The following MYO16 variants were observed in gnomAD, a reference collection of about 807,000 sequenced individuals.
MYO16 encodes unconventional myosin-XVI.
In MYO16, 94 loss-of-function variants were observed where a neutral mutation model predicts 205.3. That is an observed-to-expected ratio of 0.46 (90% CI 0.39 to 0.54). The LOEUF (loss-of-function observed/expected upper bound fraction) is 0.54, where lower values mean the gene tolerates loss of function less well. MYO16 is among the 20% of genes least tolerant of loss of function. The pLI is 0.00. For synonymous variants in MYO16, 988 were observed against 954.0 expected (o/e 1.04, Z -0.66); for missense variants, 2,315 against 2,387.5 (o/e 0.97, Z 0.63).
At chr13:109,191,183 C>T (rs1269480459) in intron 34 of MYO16, among the ~76,000 whole-genome samples, 1 of 151,842 alleles carries the variant, frequency 6.6e-6, no homozygotes, top group Non-Finnish European at 1.5e-5. Flanking sequence ...CGCGCCACTG[C>T]ACTCCAGCCT....
At chr13:108,768,714 A>G (rs1885861638) in intron 4 of MYO16, among the ~76,000 whole-genome samples, 1 of 152,164 alleles carries the variant, frequency 6.6e-6, no homozygotes, top group African/African-American at 2.4e-5. Flanking sequence ...TGATGAGCAT[A>G]TTTGAGGAAA....
intron 20 of MYO16, among the ~76,000 whole-genome samples, chr13:108,989,108 G>C (rs921330780): frequency 6.6e-6 from 1 of 152,160 alleles, no homozygotes; most frequent in African/African-American, 2.4e-5. Flanking sequence ...TACTAGTATA[G>C]AACATTTAAG....
intron 4 of MYO16, among the ~76,000 whole-genome samples, chr13:108,731,095 C>T (rs1884506173): frequency 6.6e-6 from 1 of 152,200 alleles, no homozygotes; most frequent in South Asian, 2.1e-4. Flanking sequence ...ATAAACGTCT[C>T]TTCTGCCTGG....
rs1336332299 is a variant in MYO16, at chr13:109,022,138, TATATTTATATATACAA to T, written c.2796+2230_2796+2245del. Among the ~76,000 whole-genome samples the T allele has an allele frequency of 2.4e-4, 33 of 135,840 alleles. 1 individual carries two copies. Among genetic ancestry groups the T allele is most frequent in the East Asian group, 8.8e-4 (4 of 4,526 alleles). The allele number at this position is 135,840 out of a possible 152,430, so 89.1% of individuals were successfully genotyped here. On this transcript the variant is annotated intron_variant, in intron 23 of 34. Transcript: ENST00000457511. ...ATATATACAAATATATATACATATATATATTTATATATACAAATTTATATATACAAATATATATTTA... is the reference window on the plus strand; with the variant it reads ...ATATATACAAATATATATACATATATATTTATATATACAAATATATATTTA...
In MYO16 at chr13:109,114,137, CAG is replaced by C. The variant is rs1259696294; in HGVS notation, c.3439-6230_3439-6229del. ...CATTGGAACAGAGATGACAGACACA[CAG>C]AGCAGGGGACCAGGTGAGCTTGTCA... On this transcript the variant is annotated intron_variant, in intron 28 of 34. Transcript: ENST00000457511. Among the ~76,000 whole-genome samples the C allele has an allele frequency of 4.6e-5, 7 of 152,284 alleles. No individual in the cohort carries two copies. In the East Asian group the frequency reaches 1.4e-3, roughly 29 times the overall value.
intron 1 of MYO16, among the ~76,000 whole-genome samples, chr13:108,619,289 A>C (rs1252919602): frequency 1.3e-5 from 2 of 152,170 alleles, no homozygotes; most frequent in Non-Finnish European, 2.9e-5. Flanking sequence ...ATATGTTAAA[A>C]AATTATTAAA....
intron 4 of MYO16, among the ~76,000 whole-genome samples, chr13:108,745,556 C>T (rs1285522823): frequency 6.6e-6 from 1 of 152,072 alleles, no homozygotes; most frequent in Non-Finnish European, 1.5e-5. Context: ...AAACACAGCC[C>T]AGCTACTAGC....
At chr13:108,822,008 T>G (rs1015018832) in intron 8 of MYO16, among the ~76,000 whole-genome samples, 1 of 152,136 alleles carries the variant, frequency 6.6e-6, no homozygotes, top group African/African-American at 2.4e-5. Context: ...AAAGCAGATA[T>G]GCCAATAATC....
chr13:108,637,399 T>C (rs1880304425), intron 1 of MYO16, among the ~76,000 whole-genome samples: 1 of 152,238 alleles, frequency 6.6e-6, no homozygotes, highest in South Asian at 2.1e-4. Context: ...AGACTCAGTA[T>C]CACATTAAAG....
rs772024589 is a variant in MYO16 at position 109,162,853 on chromosome 13, A to T, written c.5165-2048A>T. Among the ~76,000 whole-genome samples, 7 of 151,954 alleles carry T rather than the reference A, an allele frequency of 4.6e-5. No individual in the cohort carries two copies. Among genetic ancestry groups the T allele is most frequent in the Non-Finnish European group, 8.8e-5 (6 of 67,928 alleles). On this transcript the variant is annotated intron_variant, in intron 32 of 34. Transcript: ENST00000457511. This position sits in a 1 kb window ranked among gnomAD's most constrained non-coding sequence, Gnocchi z 4.6. ...TGGCATTCGGAAGCTTAACAGAAAT[A>T]AAAAAAAGCCAAACTAGAGTTGACC...
chr13:108,534,471 C>A, the MYO16 span, among the ~76,000 whole-genome samples: 1 of 152,258 alleles, frequency 6.6e-6, no homozygotes, highest in African/African-American at 2.4e-5. Flanking sequence ...GGTCATGCTG[C>A]TGTCAAAGTA....
intron 1 of MYO16, among the ~76,000 whole-genome samples, chr13:108,618,869 C>T (rs6492128): frequency 0.078 from 11,826 of 152,160 alleles, 1,007 homozygotes; most frequent in African/African-American, 0.21. Context: ...CACATATATA[C>T]TACATGTACA....
chr13:109,005,089 G>A (rs921999291), intron 21 of MYO16, among the ~76,000 whole-genome samples: 7 of 152,252 alleles, frequency 4.6e-5, no homozygotes, highest in Middle Eastern at 3.4e-3. Flanking sequence ...TGCAAATAAT[G>A]TACAAGGAAG....
At chr13:108,672,892 G>T (rs543950516) in intron 2 of MYO16, among the ~76,000 whole-genome samples, 1 of 151,994 alleles carries the variant, frequency 6.6e-6, no homozygotes, top group African/African-American at 2.4e-5. Context: ...ATATTGCTTC[G>T]TACTAATTAG....
At chr13:108,841,881 A>G (rs946685877) in intron 9 of MYO16, among the ~76,000 whole-genome samples, 1 of 152,196 alleles carries the variant, frequency 6.6e-6, no homozygotes, top group Non-Finnish European at 1.5e-5. Context: ...AAACAGACAC[A>G]TAGACCATTG....
intron 15 of MYO16, 42 bp from the exon 16 acceptor site, chr13:108,909,961 A>C (rs1345543187): frequency 1.9e-6 from 3 of 1,579,434 alleles, no homozygotes; most frequent in Non-Finnish European, 2.6e-6. Flanking sequence ...AAATGAAATG[A>C]ATACTGCCAT....
intron 10 of MYO16, among the ~76,000 whole-genome samples, chr13:108,854,507 A>C (rs937222794): frequency 2.0e-5 from 3 of 152,218 alleles, no homozygotes; most frequent in Non-Finnish European, 4.4e-5. Flanking sequence ...TAACAATGGC[A>C]TATGCTGTTA....
chr13:109,139,822 A>ATAT (rs148872505), intron 31 of MYO16, among the ~76,000 whole-genome samples: 29,382 of 151,612 alleles, frequency 0.19, 3,060 homozygotes, highest in Middle Eastern at 0.28. Flanking sequence ...TCGGGGGTTG[A>ATAT]TATTATTATT....
intron 27 of MYO16, among the ~76,000 whole-genome samples, chr13:109,061,713 T>A (rs1887599954): frequency 6.6e-6 from 1 of 152,140 alleles, no homozygotes; most frequent in Admixed American, 6.6e-5. Flanking sequence ...ATGAAAAGGT[T>A]TTAAATATGA....
Sources: allele counts gnomAD v4.1 joint callset (sites outside exome capture counted in the v4.1 genomes callset), GRCh38; gene constraint gnomAD v4.1.1; non-coding constraint Gnocchi (gnomAD v3.1); transcripts MANE v1.5; gene names NCBI Gene and HGNC (gene_info 2026-07-23, HGNC 2026-07-21).